CFAP74: variants seen among roughly 807,000 people sequenced by gnomAD.
The protein encoded by CFAP74 is cilia and flagella associated protein 74.
A neutral mutation model predicts 188.9 loss-of-function variants in CFAP74; 124 were observed. That is an observed-to-expected ratio of 0.66 (90% CI 0.57 to 0.76). The LOEUF (loss-of-function observed/expected upper bound fraction) is 0.76. Ranked by LOEUF, CFAP74 falls within the 30% of genes least tolerant of loss-of-function variation. The pLI, the probability that CFAP74 is intolerant of heterozygous loss-of-function variation, is 0.00. For synonymous variants in CFAP74, 956 were observed against 916.7 expected, an observed-to-expected ratio of 1.04 and a Z score of -0.77; for missense variants, 2,198 against 2,165.2, an observed-to-expected ratio of 1.02 and a Z score of -0.30.
intron 6 of CFAP74, among the ~76,000 whole-genome samples, chr1:1,980,747 G>A (rs375010540): frequency 3.3e-5 from 5 of 152,188 alleles, no homozygotes; most frequent in Non-Finnish European, 5.9e-5. Flanking sequence ...AAGGACCCTC[G>A]GCTGTTCATG....
rs146451721 is a variant in CFAP74 at position 1,960,092 on chromosome 1, C to T, written c.1695-62G>A. 4.5e-4 allele frequency: 640 copies of T among 1,417,844 alleles called. 2 individuals are homozygous for T. In the East Asian group the frequency reaches 0.012, roughly 27 times the overall value. The allele number at this position is 1,417,844 out of a possible 1,614,324, so 87.8% of individuals were successfully genotyped here. On this transcript the variant is annotated intron_variant, in intron 14 of 38. Transcript: ENST00000682832. ...CTGCGGAGGGCAGACGCTCGCCTCA[C>T]CACCCAGAGCACAGTCAGGCTGGGC...
Position 1,946,386 on chromosome 1 carries a change from G to A in CFAP74, c.2295C>T (p.Phe765=), listed in dbSNP as rs1235896875. ...GGACGTCGCCTGGGACGACCGGAGTGAAGACGATGGGCACCTTGATGGAGC... is the reference window on the plus strand; with the variant it reads ...GGACGTCGCCTGGGACGACCGGAGTAAAGACGATGGGCACCTTGATGGAGC... ...PFSSIKVPIV[F]TPVVPGDVQA... Residue 765 remains phenylalanine (F), a synonymous_variant, in exon 20 of 39, where the codon TTC becomes TTT. Transcript: ENST00000682832. 6.5e-7 allele frequency: 1 copy of A among 1,537,100 alleles called. No homozygotes were observed. The highest frequency in any genetic ancestry group is 1.2e-5 in the South Asian group (1 of 84,058).
At position 1,937,921 on chromosome 1, in the gene CFAP74, T is replaced by C. The variant is rs112791769; in HGVS notation, c.3011+934A>G. Among the ~76,000 whole-genome samples the C allele has an allele frequency of 2.2e-3, 331 of 148,350 alleles. 1 individual carries two copies. The highest frequency in any genetic ancestry group is 7.5e-3 in the African/African-American group (304 of 40,288). ...TGCACAGCATGCGTGTATACACACA[T>C]GCACACACACAGTCTCACATAAACG... is the stretch of plus-strand genomic sequence containing the variant. On this transcript the variant is annotated intron_variant, in intron 25 of 38. Transcript: ENST00000682832.
chr1:1,925,923 C>G lies in CFAP74; in HGVS notation c.3964G>C (p.Asp1322His), dbSNP rs758014997. The G allele has an allele frequency of 1.2e-6, 2 of 1,609,786 alleles. No individual in the cohort carries two copies. ...HESILAQETL[D>H]IITKRGTLTL... ...AGCGTGCCTCTCTTGGTGATGATGTCCAGTGTTTCTTGAGCCTAAAGAGAC... is the reference window on the plus strand; with the variant it reads ...AGCGTGCCTCTCTTGGTGATGATGTGCAGTGTTTCTTGAGCCTAAAGAGAC... The change falls in exon 33 of 39, where the codon GAC (aspartate) becomes CAC (histidine). Residue 1322 changes from aspartate (D) to histidine (H), a missense_variant. By Grantham distance (81) the Asp-to-His change is moderately conservative. Transcript: ENST00000682832.
chr1:2,000,409 T>C (rs1658150767), intron 1 of CFAP74, among the ~76,000 whole-genome samples: 1 of 152,150 alleles, frequency 6.6e-6, no homozygotes, highest in Non-Finnish European at 1.5e-5. Context: ...ATCCTGCCTA[T>C]GGCACCCTCT....
At chr1:1,955,559 G>A (rs1034479295) in intron 18 of CFAP74, 132 bp downstream of exon 18, 7 of 1,611,476 alleles carry the variant, frequency 4.3e-6, no homozygotes, top group Non-Finnish European at 5.1e-6. Flanking sequence ...TTGCTTAACC[G>A]TCACTTAACA....
chr1:1,927,858 T>C, intron 27 of CFAP74, 112 bp from the exon 28 acceptor site: 2 of 1,246,058 alleles, frequency 1.6e-6, no homozygotes, highest in Non-Finnish European at 2.2e-6. Flanking sequence ...CAGTTGGGAT[T>C]GAATGTGGGG....
At chr1:1,927,561 G>C (rs1445668384) in intron 28 of CFAP74, 46 bp downstream of exon 28, 4 of 1,526,828 alleles carry the variant, frequency 2.6e-6, no homozygotes, top group East Asian at 2.4e-5. Context: ...GGTCCCACCA[G>C]AGGGGCCTGG....
chr1:1,929,174 G>A (rs887437608), intron 26 of CFAP74, among the ~76,000 whole-genome samples: 15 of 150,548 alleles, frequency 1.0e-4, no homozygotes, highest in Admixed American at 8.6e-4. Flanking sequence ...CCCTGTCCTC[G>A]GGGCAGCAGT....
Position 1,949,926 on chromosome 1 carries a change from G to C in CFAP74, c.2177-2872C>G, listed in dbSNP as rs557566517. Among the ~76,000 whole-genome samples, 16 of 152,186 alleles carry C rather than the reference G, an allele frequency of 1.1e-4. No homozygotes were observed. The South Asian group carries it at 3.3e-3, about 32-fold the overall frequency. ...TTTCTCTATCCACTCCCCACGCGTGGGACATTAGAGTTGTTGGTTTTTGCC... is the reference window on the plus strand; with the variant it reads ...TTTCTCTATCCACTCCCCACGCGTGCGACATTAGAGTTGTTGGTTTTTGCC... On this transcript the variant is annotated intron_variant, in intron 18 of 38. Transcript: ENST00000682832.
chr1:1,983,460 G>A (rs1355897212), intron 6 of CFAP74, among the ~76,000 whole-genome samples: 1 of 152,226 alleles, frequency 6.6e-6, no homozygotes, highest in African/African-American at 2.4e-5. Flanking sequence ...CATCGAGCAC[G>A]GGCGCTGTGC....
At chr1:1,982,349 G>A (rs1182237078) in intron 6 of CFAP74, among the ~76,000 whole-genome samples, 5 of 150,788 alleles carry the variant, frequency 3.3e-5, no homozygotes, top group Non-Finnish European at 7.4e-5. Flanking sequence ...ACACCCAGCC[G>A]TGGTCACACG....
intron 1 of CFAP74, among the ~76,000 whole-genome samples, chr1:1,994,303 T>C (rs1657799283): frequency 6.6e-6 from 1 of 152,198 alleles, no homozygotes; most frequent in Non-Finnish European, 1.5e-5. Context: ...ACATAAATGT[T>C]GACATTATGT....
At chr1:1,934,619 T>TACACACGTGTGTACGTGTGTTAGGC (rs1652702625) in intron 25 of CFAP74, among the ~76,000 whole-genome samples, 1 of 133,780 alleles carries the variant, frequency 7.5e-6, no homozygotes, top group African/African-American at 2.9e-5. Flanking sequence ...GTGTGTTAGG[T>TACACACGTGTGTACGTGTGTTAGGC]TGTAGGTACA....
rs775544235 is a variant in CFAP74 at position 1,925,880 on chromosome 1, C to T, written c.4007G>A (p.Gly1336Asp). The change falls in exon 33 of 39, where the codon GGC becomes GAC. Residue 1336 changes from glycine to aspartate, a missense_variant. Physicochemically the swap from Gly to Asp is moderately conservative, Grantham distance 94. Transcript: ENST00000682832. ...KRGTLTLTLMGTGVASMITCS... is the reference protein window; with the variant it reads ...KRGTLTLTLMDTGVASMITCS... ...CGTGATCATGGACGCCACGCCAGTG[C>T]CCATGAGGGTGAGGGTGAGCGTGCC... is the stretch of plus-strand genomic sequence containing the variant. 10 of 1,612,534 alleles carry T rather than the reference C, an allele frequency of 6.2e-6. No individual in the cohort carries two copies. In the South Asian group the frequency reaches 8.8e-5, roughly 14 times the overall value.
At chr1:1,993,739 T>G (rs74995408) in intron 1 of CFAP74, among the ~76,000 whole-genome samples, 1 of 54,838 alleles carries the variant, frequency 1.8e-5, no homozygotes, top group Non-Finnish European at 4.1e-5. Context: ...TCCCAGCACT[T>G]TGGGAGGCCG....
intron 12 of CFAP74, 38 bp downstream of exon 12, chr1:1,966,333 G>C (rs1469962218): frequency 6.9e-7 from 1 of 1,453,346 alleles, no homozygotes; most frequent in African/African-American, 1.4e-5. Context: ...GAGGGCCGGG[G>C]TCCGTCTGCA....
rs542360008 is a variant in CFAP74 at position 1,922,864 on chromosome 1, G to A, written c.4683+121C>T. On this transcript the variant is annotated intron_variant, in intron 37 of 38. Coordinates refer to ENST00000682832, the MANE Select transcript of CFAP74 (RefSeq NM_001304360.2). ...ACCCCACAGCTGCCACAGGAAGTCCGAGAAAAGCCCGGCTGTCAGGACAAG... is the reference window on the plus strand; with the variant it reads ...ACCCCACAGCTGCCACAGGAAGTCCAAGAAAAGCCCGGCTGTCAGGACAAG... 362 of 1,487,164 alleles carry A rather than the reference G, an allele frequency of 2.4e-4. No individual in the cohort carries two copies. In the African/African-American group the frequency reaches 3.2e-3, roughly 13 times the overall value. 92.1% of individuals were successfully genotyped at this position (1,487,164 alleles called of 1,614,324 possible).
rs371560945 is a variant in CFAP74, at chr1:1,959,212, A to G, written c.1762-3T>C. 5.3e-5 allele frequency: 84 copies of G among 1,585,602 alleles called. No homozygotes were observed. The African/African-American group carries it at 9.7e-4, about 18-fold the overall frequency. ...TTTCCTTCTAGATCCTTGTTTATCT[A>G]AAACATAAAACAACCCCCACCACAA... On this transcript the variant is annotated splice_polypyrimidine_tract_variant and splice_region_variant and intron_variant, in intron 15 of 38. Coordinates refer to ENST00000682832, the MANE Select transcript of CFAP74 (RefSeq NM_001304360.2).
Sources: gnomAD v4.1 joint callset for allele counts (sites outside exome capture counted in the v4.1 genomes callset) on GRCh38, gnomAD v4.1.1 for gene constraint, MANE v1.5 for transcripts, NCBI Gene and HGNC (gene_info 2026-07-23, HGNC 2026-07-21) for gene names.